CSMD3: variants seen among roughly 807,000 people sequenced by gnomAD.
CSMD3 encodes CUB and sushi domain-containing protein 3.
A neutral mutation model predicts 435.2 loss-of-function variants in CSMD3; 177 were observed. That is an observed-to-expected ratio of 0.41 (90% CI 0.36 to 0.46). The LOEUF (loss-of-function observed/expected upper bound fraction) is 0.46. Among genes scored for constraint, CSMD3 ranks in the 20% least tolerant of loss-of-function variants. The probability of loss-of-function intolerance (pLI) is 0.34; values close to 1 mark genes in which losing one functional copy is unlikely to be tolerated. For synonymous variants in CSMD3, 1,656 were observed against 1,520.5 expected, an observed-to-expected ratio of 1.09 and a Z score of -2.07; for missense variants, 4,265 against 4,504.6, an observed-to-expected ratio of 0.95 and a Z score of 1.52.
chr8:112,328,817 G>A (rs867963775), intron 45 of CSMD3, among the ~76,000 whole-genome samples: 3 of 152,084 alleles, frequency 2.0e-5, no homozygotes, highest in Non-Finnish European at 4.4e-5. Context: ...AAACGTGCCT[G>A]CTTCCCCTTC....
chr8:112,967,907 G>GA (rs1393565131), intron 7 of CSMD3, among the ~76,000 whole-genome samples: 2 of 151,516 alleles, frequency 1.3e-5, no homozygotes, highest in South Asian at 2.1e-4. Flanking sequence ...GAAAAACAAA[G>GA]AAAAAATGAA....
intron 5 of CSMD3, among the ~76,000 whole-genome samples, chr8:113,078,453 G>A (rs1214727728): frequency 1.3e-5 from 2 of 152,080 alleles, no homozygotes; most frequent in Non-Finnish European, 2.9e-5. Context: ...CACGTTCTAT[G>A]CTCTAAAATA....
At chr8:113,352,632 C>T (rs1036891189) in intron 1 of CSMD3, among the ~76,000 whole-genome samples, 1 of 152,108 alleles carries the variant, frequency 6.6e-6, no homozygotes, top group Non-Finnish European at 1.5e-5. Flanking sequence ...AACAATGGCT[C>T]TCTTTAGGAG....
chr8:112,409,691 A>C (rs1029576407), intron 32 of CSMD3, among the ~76,000 whole-genome samples: 1 of 152,030 alleles, frequency 6.6e-6, no homozygotes, highest in East Asian at 1.9e-4. Flanking sequence ...TGGTAAGTAC[A>C]GTTCTGAAGT....
intron 2 of CSMD3, among the ~76,000 whole-genome samples, chr8:113,288,776 A>G (rs72670739): frequency 0.13 from 19,364 of 151,784 alleles, 2,124 homozygotes; most frequent in African/African-American, 0.3. Context: ...AAAAAAATTC[A>G]TTCTGCTGCT....
At chr8:113,311,429 T>C (rs985237328) in intron 2 of CSMD3, 2 of 152,154 alleles carry the variant, frequency 1.3e-5, no homozygotes, top group African/African-American at 2.4e-5. Context: ...CCATTTTTTT[T>C]CCTACATTAT....
chr8:112,573,225 T>A (rs1829676761), intron 24 of CSMD3, among the ~76,000 whole-genome samples: 1 of 152,044 alleles, frequency 6.6e-6, no homozygotes, highest in Non-Finnish European at 1.5e-5. Flanking sequence ...ATGAATAGAA[T>A]CCTGCTACTT....
intron 20 of CSMD3, among the ~76,000 whole-genome samples, chr8:112,641,482 T>C (rs2074823971): frequency 6.6e-6 from 1 of 152,128 alleles, no homozygotes; most frequent in Non-Finnish European, 1.5e-5. Flanking sequence ...TATAGGAGCA[T>C]AGAAATAGAG....
At chr8:112,813,748 C>G (rs1273071055) in intron 12 of CSMD3, among the ~76,000 whole-genome samples, 2 of 152,012 alleles carry the variant, frequency 1.3e-5, no homozygotes, top group Admixed American at 1.3e-4. Flanking sequence ...TTCTGAGCCC[C>G]TACTCGACCC....
chr8:112,316,373 A>G (rs2130847695), intron 47 of CSMD3, among the ~76,000 whole-genome samples: 1 of 151,930 alleles, frequency 6.6e-6, no homozygotes. Flanking sequence ...AAAATTTAAA[A>G]ATACATAAAA....
At chr8:112,535,576 T>C (rs1270658747) in intron 27 of CSMD3, among the ~76,000 whole-genome samples, 1 of 151,846 alleles carries the variant, frequency 6.6e-6, no homozygotes, top group Non-Finnish European at 1.5e-5. Context: ...GAATAAATAT[T>C]GTGAAAATGG....
At position 112,550,763 on chromosome 8, in the gene CSMD3, G is replaced by A. The variant is rs1489502163; in HGVS notation, c.4472C>T (p.Pro1491Leu). Residue 1491 changes from proline (P) to leucine (L), a missense_variant, in exon 27 of 71, where the codon CCT becomes CTT. Physicochemically the swap from Pro to Leu is moderately conservative, Grantham distance 98. Around this residue, in one of 3 missense-constraint regions of CSMD3, gnomAD observed 3,255 missense variants for 3,380.2 expected, o/e 0.96. Coordinates refer to ENST00000297405, the MANE Select transcript of CSMD3 (RefSeq NM_198123.2). Reference sequence around the variant, plus strand: ...ATTGAGGGTGCTATGAATTCCTTCAGGAATAAGAGATCCACTAATTTCCTT... The same window carrying A: ...ATTGAGGGTGCTATGAATTCCTTCAAGAATAAGAGATCCACTAATTTCCTT... The part of the protein sequence containing the change: ...LLKEISGSLI[P>L]EGIHSTLNIV... 6.2e-7 allele frequency: 1 copy of A among 1,603,822 alleles called. No individual in the cohort carries two copies. Among genetic ancestry groups the A allele is most frequent in the Non-Finnish European group, 8.5e-7 (1 of 1,171,208 alleles).
In CSMD3 at chr8:112,636,918, G is replaced by A. The variant is rs772668689; in HGVS notation, c.3614C>T (p.Thr1205Ile). ...TCGATAACCCGAAGAGCATGAGAAG[G>A]TCAGAGTGTCACCAATCCCAAAGTT... The part of the protein sequence containing the change: ...GFNFGIGDTL[T>I]FSCSSGYRLE... Residue 1205 changes from threonine to isoleucine, a missense_variant, in exon 22 of 71, where the codon ACC becomes ATC. Physicochemically the swap from Thr to Ile is moderately conservative, Grantham distance 89. Coordinates refer to ENST00000297405, the MANE Select transcript of CSMD3 (RefSeq NM_198123.2). 1 of 1,613,402 alleles carries A rather than the reference G, an allele frequency of 6.2e-7. No individual in the cohort carries two copies. The highest frequency in any genetic ancestry group is 1.7e-5 in the Admixed American group (1 of 59,880).
intron 59 of CSMD3, among the ~76,000 whole-genome samples, chr8:112,269,220 C>A (rs1236042455): frequency 1.3e-5 from 2 of 152,180 alleles, no homozygotes; most frequent in African/African-American, 2.4e-5. Flanking sequence ...GTAAGACTAA[C>A]CCCATCTTCC....
rs775351584 is a variant in CSMD3, at chr8:112,383,578, C to A, written c.6020G>T (p.Gly2007Val). 1 of 1,561,880 alleles carries A rather than the reference C, an allele frequency of 6.4e-7. No individual in the cohort carries two copies. Residue 2007 changes from glycine to valine, a missense_variant, in exon 37 of 71, where the codon GGA becomes GTA. Around this residue, in one of 3 missense-constraint regions of CSMD3, gnomAD observed 3,255 missense variants for 3,380.2 expected, o/e 0.96. Coordinates refer to ENST00000297405, the MANE Select transcript of CSMD3 (RefSeq NM_198123.2). The stretch of plus-strand genomic sequence containing the variant: ...GCTCTCTTATTTACCTGAATAGCTT[C>A]CAAGTCTTGGAGCATTGTTGTCTCC... ...DGGDNNAPRLGSYSGTTIPHL... is the reference protein window; with the variant it reads ...DGGDNNAPRLVSYSGTTIPHL...
intron 5 of CSMD3, among the ~76,000 whole-genome samples, chr8:113,047,485 T>C (rs1405111646): frequency 6.6e-6 from 1 of 152,230 alleles, no homozygotes. Context: ...TGTTAAATCT[T>C]GTCAAAAATT....
intron 12 of CSMD3, among the ~76,000 whole-genome samples, chr8:112,825,980 C>T (rs2079668011): frequency 6.6e-6 from 1 of 152,176 alleles, no homozygotes. Context: ...GCCACACCTC[C>T]CACTAGGGAC....
chr8:113,181,010 T>C (rs1280291479), intron 3 of CSMD3, among the ~76,000 whole-genome samples: 5 of 151,982 alleles, frequency 3.3e-5, no homozygotes, highest in African/African-American at 1.2e-4. Flanking sequence ...ACAACTATTA[T>C]ATGTTATTTG....
chr8:113,042,193 G>T (rs2087650851), intron 5 of CSMD3, among the ~76,000 whole-genome samples: 1 of 152,054 alleles, frequency 6.6e-6, no homozygotes, highest in South Asian at 2.1e-4. Flanking sequence ...TGCTGAAAAA[G>T]AACTTTGAGC....
Sources: allele counts gnomAD v4.1 joint callset (sites outside exome capture counted in the v4.1 genomes callset), GRCh38; gene constraint gnomAD v4.1.1; regional missense constraint gnomAD v4.1.1; transcripts MANE v1.5; gene names NCBI Gene and HGNC (gene_info 2026-07-23, HGNC 2026-07-21).